Variants in AHCTF1 observed in about 807,000 individuals in gnomAD.
AHCTF1 encodes protein ELYS.
In AHCTF1, 24 loss-of-function variants were observed where a neutral mutation model predicts 248.4. The observed-to-expected ratio is 0.10, with a 90% CI of 0.07 to 0.14. The LOEUF is 0.14. Ranked by LOEUF, AHCTF1 falls within the 10% of genes least tolerant of loss-of-function variation. The pLI, the probability that AHCTF1 is intolerant of heterozygous loss-of-function variation, is 1.00. For synonymous variants in AHCTF1, 786 were observed against 929.8 expected, an observed-to-expected ratio of 0.85 and a Z score of 2.81; for missense variants, 2,206 against 2,636.2, an observed-to-expected ratio of 0.84 and a Z score of 3.57.
chr1:246,876,454 C>A (rs1662973159), intron 23 of AHCTF1, among the ~76,000 whole-genome samples: 1 of 152,164 alleles, frequency 6.6e-6, no homozygotes, highest in Non-Finnish European at 1.5e-5. Flanking sequence ...TGTCAGGCAA[C>A]ATTCTACTTC....
chr1:246,861,398 T>G, intron 28 of AHCTF1, 103 bp from the exon 29 acceptor site: 1 of 1,078,544 alleles, frequency 9.3e-7, no homozygotes, highest in Non-Finnish European at 1.3e-6. Flanking sequence ...TTTGTTGTTT[T>G]TACCCAAATT....
chr1:246,880,040 G>A (rs563410946), intron 21 of AHCTF1, among the ~76,000 whole-genome samples: 129 of 152,178 alleles, frequency 8.5e-4, no homozygotes, highest in Non-Finnish European at 1.4e-3. Flanking sequence ...GGTTTAGTGG[G>A]AGAGGACATA....
intron 17 of AHCTF1, 123 bp from the exon 18 acceptor site, chr1:246,888,640 G>T: frequency 1.6e-6 from 2 of 1,236,340 alleles, no homozygotes; most frequent in South Asian, 1.6e-5. Flanking sequence ...TGGGCATGGT[G>T]GCTTATGTCT....
At chr1:246,887,012 A>C (rs80123663) in intron 20 of AHCTF1, among the ~76,000 whole-genome samples, 199 bp downstream of exon 20, 1 of 152,228 alleles carries the variant, frequency 6.6e-6, no homozygotes, top group Non-Finnish European at 1.5e-5. Context: ...TTTAAACAGT[A>C]AGAAACCTGG....
intron 12 of AHCTF1, 41 bp from the exon 13 acceptor site, chr1:246,895,966 G>T: frequency 6.5e-7 from 1 of 1,532,556 alleles, no homozygotes; most frequent in Non-Finnish European, 9.0e-7. Flanking sequence ...TGGAAAGAAA[G>T]AGGGTGTGAG....
intron 1 of AHCTF1, among the ~76,000 whole-genome samples, chr1:246,929,775 C>T (rs1461087813): frequency 6.6e-6 from 1 of 152,140 alleles, no homozygotes; most frequent in Non-Finnish European, 1.5e-5. Context: ...CTGTACCAGC[C>T]GGGCGCGGTG....
At chr1:246,865,556 C>A (rs1661914266) in intron 26 of AHCTF1, among the ~76,000 whole-genome samples, 1 of 152,150 alleles carries the variant, frequency 6.6e-6, no homozygotes. Flanking sequence ...TGGATTCGAT[C>A]CAAACTTGGA....
At chr1:246,911,628 C>A (rs1221622469) in intron 4 of AHCTF1, among the ~76,000 whole-genome samples, 1 of 151,796 alleles carries the variant, frequency 6.6e-6, no homozygotes, top group Non-Finnish European at 1.5e-5. Flanking sequence ...GGATTAGAGG[C>A]ATGCGCCACC....
intron 24 of AHCTF1, among the ~76,000 whole-genome samples, chr1:246,868,936 C>T (rs544051683): frequency 6.7e-6 from 1 of 149,046 alleles, no homozygotes; most frequent in Non-Finnish European, 1.5e-5. Flanking sequence ...GTTCTGCCTC[C>T]CGGGTTCACG....
intron 1 of AHCTF1, among the ~76,000 whole-genome samples, chr1:246,925,320 G>T (rs187362828): frequency 2.5e-4 from 38 of 152,216 alleles, no homozygotes; most frequent in Admixed American, 1.7e-3. Flanking sequence ...AAAGTCCAAA[G>T]GATAACACAC....
At chr1:246,927,320 T>C (rs1057101686) in intron 1 of AHCTF1, among the ~76,000 whole-genome samples, 1 of 152,130 alleles carries the variant, frequency 6.6e-6, no homozygotes, top group African/African-American at 2.4e-5. Flanking sequence ...ACCCCGTCTC[T>C]ACTAAAAACA....
At chr1:246,931,342 C>T in intron 1 of AHCTF1, 1 of 1,544,248 alleles carries the variant, frequency 6.5e-7, no homozygotes, top group Non-Finnish European at 8.7e-7. Context: ...CGCCGCTCCT[C>T]CGGTCCGAGA....
chr1:246,915,737 C>T (rs1029305322), intron 3 of AHCTF1, among the ~76,000 whole-genome samples: 6 of 152,040 alleles, frequency 3.9e-5, no homozygotes, highest in South Asian at 2.1e-4. Flanking sequence ...AGACTATTGT[C>T]GCAAATTTAA....
At chr1:246,855,861 A>T in intron 30 of AHCTF1, 34 bp from the exon 31 acceptor site, 1 of 1,531,008 alleles carries the variant, frequency 6.5e-7, no homozygotes, top group Non-Finnish European at 9.0e-7. Context: ...TTAGTGTGTA[A>T]GAAGATCCCA....
At chr1:246,867,465 C>A in intron 25 of AHCTF1, 114 bp from the exon 26 acceptor site, 2 of 991,202 alleles carry the variant, frequency 2.0e-6, no homozygotes, top group Non-Finnish European at 3.0e-6. Context: ...TTCTGCATTG[C>A]TTACAAATAA....
At chr1:246,885,914 C>T (rs1572415976) in intron 20 of AHCTF1, among the ~76,000 whole-genome samples, 4 of 152,126 alleles carry the variant, frequency 2.6e-5, no homozygotes, top group East Asian at 3.8e-4. Context: ...AGGCTGGGCA[C>T]GGTGGCTCAC....
At chr1:246,909,155 T>C (rs1665616199) in intron 4 of AHCTF1, among the ~76,000 whole-genome samples, 1 of 149,238 alleles carries the variant, frequency 6.7e-6, no homozygotes, top group South Asian at 2.1e-4. Flanking sequence ...CTCATGCCTG[T>C]AATCCCAGCA....
chr1:246,922,844 G>C (rs6696656), intron 1 of AHCTF1, among the ~76,000 whole-genome samples: 1 of 150,526 alleles, frequency 6.6e-6, no homozygotes, highest in East Asian at 2.0e-4. Flanking sequence ...ATAGCCGGGC[G>C]TGGTGGCAGG....
intron 4 of AHCTF1, among the ~76,000 whole-genome samples, chr1:246,908,768 G>T (rs934587108): frequency 6.6e-6 from 1 of 150,682 alleles, no homozygotes; most frequent in Non-Finnish European, 1.5e-5. Context: ...GGCGGCGTGC[G>T]CCTGTAGTCC....
Sources: gnomAD v4.1 joint callset for allele counts (sites outside exome capture counted in the v4.1 genomes callset) on GRCh38, gnomAD v4.1.1 for gene constraint, MANE v1.5 for transcripts, NCBI Gene and HGNC (gene_info 2026-07-23, HGNC 2026-07-21) for gene names.